The following MESP2 variants were observed in gnomAD, a reference collection of about 807,000 sequenced individuals.
MESP2 encodes mesoderm posterior bHLH transcription factor 2, also known as mesoderm posterior protein 2.
In MESP2, 34 loss-of-function variants were observed where a neutral mutation model predicts 37.8. The ratio of observed to expected loss-of-function variants is 0.90; its 90% CI spans 0.68 to 1.20. The LOEUF (loss-of-function observed/expected upper bound fraction) is 1.20, where lower values mean the gene tolerates loss of function less well. Among genes scored for constraint, MESP2 ranks in the 50% most tolerant of loss-of-function variants. MESP2 has a pLI of 0.00. For synonymous variants in MESP2, 303 were observed against 251.6 expected (o/e 1.20, Z -1.93); for missense variants, 646 against 545.3 (o/e 1.18, Z -1.84).
Position 89,778,120 on chromosome 15 carries a change from C to CCCA in MESP2, c.983_985dup (p.His328dup). On this transcript the variant is annotated inframe_insertion, in exon 2 of 2. Coordinates refer to ENST00000341735, the MANE Select transcript of MESP2 (RefSeq NM_001039958.2). The stretch of plus-strand genomic sequence containing the variant: ...TCGCTGGGAGCTCCATCTCTCCTGC[C>CCCA]CCACCCATCATGCCAGAGACTGCAG... 1 of 1,613,850 alleles carries CCCA rather than the reference C, an allele frequency of 6.2e-7. No homozygotes were observed. Among genetic ancestry groups the CCCA allele is most frequent in the Non-Finnish European group, 8.5e-7 (1 of 1,180,010 alleles).
chr15:89,776,462 C>T lies in MESP2; in HGVS notation c.105C>T (p.Ser35=), dbSNP rs1357497493. ...ACTGGGACTCCACGTCCCCGGCCTC[C>T]TCCTCCGATTCGTCGGGTTCGTGCC... ...AGHWDSTSPA[S]SSDSSGSCPC... is the part of the protein sequence containing the mutation. The change falls in exon 1 of 2, where the codon TCC becomes TCT. Residue 35 remains serine (S), a synonymous_variant. Transcript: ENST00000341735. 1 of 1,534,554 alleles carries T rather than the reference C, an allele frequency of 6.5e-7. No individual in the cohort carries two copies. The highest frequency in any genetic ancestry group is 1.4e-5 in the African/African-American group (1 of 72,836).
rs1201827517 is a variant in MESP2, at chr15:89,777,113, C to G, written c.756C>G (p.Cys252Trp). Reference sequence around the variant, plus strand: ...ATCCCTGGGCAACACCCCCTTACTGCCCCAAGATACAGTCGCCCCCGTATT... The same window carrying G: ...ATCCCTGGGCAACACCCCCTTACTGGCCCAAGATACAGTCGCCCCCGTATT... ...DTDPWATPPY[C>W]PKIQSPPYSS... Residue 252 changes from cysteine (C) to tryptophan (W), a missense_variant, in exon 1 of 2, where the codon TGC (cysteine) becomes TGG (tryptophan). Transcript: ENST00000341735. 4 of 1,612,834 alleles carry G rather than the reference C, an allele frequency of 2.5e-6. No individual in the cohort carries two copies. Among genetic ancestry groups the G allele is most frequent in the Non-Finnish European group, 3.4e-6 (4 of 1,179,980 alleles).
At position 89,777,196 on chromosome 15, in the gene MESP2, G is replaced by C. The variant is rs770971961; in HGVS notation, c.839G>C (p.Trp280Ser). ...TGGACGCCACCCCAAGGCTGTCCCTGGACGCAGTCGTCCCCAGAGCCCCGG... is the reference window on the plus strand; with the variant it reads ...TGGACGCCACCCCAAGGCTGTCCCTCGACGCAGTCGTCCCCAGAGCCCCGG... The part of the protein sequence containing the change: ...SLWTPPQGCP[W>S]TQSSPEPRNP... The change falls in exon 1 of 2, where the codon TGG (tryptophan) becomes TCG (serine). Residue 280 changes from tryptophan to serine, a missense_variant. Coordinates refer to ENST00000341735, the MANE Select transcript of MESP2 (RefSeq NM_001039958.2). 2 of 1,612,754 alleles carry C rather than the reference G, an allele frequency of 1.2e-6. No individual in the cohort carries two copies. Among genetic ancestry groups the C allele is most frequent in the Non-Finnish European group, 1.7e-6 (2 of 1,179,896 alleles).
At position 89,777,200 on chromosome 15, in the gene MESP2, G is replaced by C; in HGVS notation, c.843G>C (p.Thr281=). 6.2e-7 allele frequency: 1 copy of C among 1,612,718 alleles called. No individual in the cohort carries two copies. Among genetic ancestry groups the C allele is most frequent in the Non-Finnish European group, 8.5e-7 (1 of 1,179,844 alleles). The change falls in exon 1 of 2, where the codon ACG becomes ACC. Residue 281 remains threonine (T), a synonymous_variant. Transcript: ENST00000341735. ...CGCCACCCCAAGGCTGTCCCTGGAC[G>C]CAGTCGTCCCCAGAGCCCCGGAACC... ...LWTPPQGCPW[T]QSSPEPRNPP...
In MESP2 at chr15:89,778,156, C is replaced by T; in HGVS notation, c.1016C>T (p.Pro339Leu). The T allele has an allele frequency of 6.2e-7, 1 of 1,613,798 alleles. No individual in the cohort carries two copies. Among genetic ancestry groups the T allele is most frequent in the South Asian group, 1.1e-5 (1 of 91,074 alleles). Reference sequence around the variant, plus strand: ...TGCCAGAGACTGCAGCCTCAGACCCCCGGGAGGTGCTGGAGCCACAGTGCA... The same window carrying T: ...TGCCAGAGACTGCAGCCTCAGACCCTCGGGAGGTGCTGGAGCCACAGTGCA... Reference protein sequence around the residue: ...PSCQRLQPQTPGRCWSHSAEV... With the variant: ...PSCQRLQPQTLGRCWSHSAEV... Residue 339 changes from proline to leucine, a missense_variant, in exon 2 of 2, where the codon CCC becomes CTC. Physicochemically the swap from Pro to Leu is moderately conservative, Grantham distance 98 (BLOSUM62 -3). Coordinates refer to ENST00000341735, the MANE Select transcript of MESP2 (RefSeq NM_001039958.2).
In MESP2 at chr15:89,778,481, T is replaced by C. The variant is rs1338948938; in HGVS notation, c.*147T>C. 4 of 1,084,624 alleles carry C rather than the reference T, an allele frequency of 3.7e-6. No homozygotes were observed. The highest frequency in any genetic ancestry group is 3.1e-5 in the African/African-American group (2 of 63,786). 67.2% of individuals were successfully genotyped at this position (1,084,624 alleles called of 1,614,324 possible). ...TCTTTCAGGGAAGCAGTGTTTGAAATAGATAGCGGGTACCTTCCCTGGATG... is the reference window on the plus strand; with the variant it reads ...TCTTTCAGGGAAGCAGTGTTTGAAACAGATAGCGGGTACCTTCCCTGGATG... On this transcript the variant is annotated 3_prime_UTR_variant, in exon 2 of 2. Transcript: ENST00000341735.
intron 1 of MESP2, 43 bp downstream of exon 1, chr15:89,777,324 G>T (rs1968385699): frequency 1.9e-6 from 3 of 1,570,640 alleles, no homozygotes; most frequent in South Asian, 1.2e-5. Context: ...CCTCCAGTCT[G>T]CAGAGAATCT....
At position 89,776,694 on chromosome 15, in the gene MESP2, G is replaced by T; in HGVS notation, c.337G>T (p.Ala113Ser). ...GCGCCGCTTTCTGCCTCCCTCCTTG[G>T]CGCCGGCCGGCCAGAGCCTGACCAA... is the stretch of plus-strand genomic sequence containing the variant. ...ELRRFLPPSL[A>S]PAGQSLTKIE... Residue 113 changes from alanine to serine, a missense_variant, in exon 1 of 2, where the codon GCG (alanine) becomes TCG (serine). Physicochemically the swap from Ala to Ser is moderately conservative, Grantham distance 99. Coordinates refer to ENST00000341735, the MANE Select transcript of MESP2 (RefSeq NM_001039958.2). 1 of 1,558,472 alleles carries T rather than the reference G, an allele frequency of 6.4e-7. No homozygotes were observed. The highest frequency in any genetic ancestry group is 8.6e-7 in the Non-Finnish European group (1 of 1,158,724).
At position 89,777,010 on chromosome 15, in the gene MESP2, C is replaced by T. The variant is rs1185229734; in HGVS notation, c.653C>T (p.Ala218Val). 1.9e-6 allele frequency: 3 copies of T among 1,581,486 alleles called. No homozygotes were observed. Among genetic ancestry groups the T allele is most frequent in the Non-Finnish European group, 2.6e-6 (3 of 1,165,174 alleles). ...PGLVSAVLAE[A>V]SWGSPSACPG... is the part of the protein sequence containing the mutation. Reference sequence around the variant, plus strand: ...CTGGTCTCCGCCGTCCTCGCCGAGGCGTCCTGGGGATCCCCGTCCGCCTGC... The same window carrying T: ...CTGGTCTCCGCCGTCCTCGCCGAGGTGTCCTGGGGATCCCCGTCCGCCTGC... Residue 218 changes from alanine (A) to valine (V), a missense_variant, in exon 1 of 2, where the codon GCG becomes GTG. Coordinates refer to ENST00000341735, the MANE Select transcript of MESP2 (RefSeq NM_001039958.2).
At position 89,776,478 on chromosome 15, in the gene MESP2, G is replaced by T. The variant is rs1184977159; in HGVS notation, c.121G>T (p.Gly41Cys). 5 of 1,534,124 alleles carry T rather than the reference G, an allele frequency of 3.3e-6. No individual in the cohort carries two copies. Among genetic ancestry groups the T allele is most frequent in the Non-Finnish European group, 4.4e-6 (5 of 1,145,986 alleles). Residue 41 changes from glycine (G) to cysteine (C), a missense_variant, in exon 1 of 2, where the codon GGT becomes TGT. Physicochemically the swap from Gly to Cys is radical, Grantham distance 159. Transcript: ENST00000341735. ...TSPASSSDSS[G>C]SCPCDGARGL... ...CCCGGCCTCCTCCTCCGATTCGTCGGGTTCGTGCCCCTGCGACGGCGCCCG... is the reference window on the plus strand; with the variant it reads ...CCCGGCCTCCTCCTCCGATTCGTCGTGTTCGTGCCCCTGCGACGGCGCCCG...
chr15:89,776,947 G>A lies in MESP2; in HGVS notation c.590G>A (p.Gly197Glu), dbSNP rs562481393. The change falls in exon 1 of 2, where the codon GGG (glycine) becomes GAG (glutamate). Residue 197 changes from glycine (G) to glutamate (E), a missense_variant. Coordinates refer to ENST00000341735, the MANE Select transcript of MESP2 (RefSeq NM_001039958.2). ...GQGQGQGQGQ[G>E]QGQGQGQGRR... ...GGGCAAGGGCAGGGGCAAGGACAGG[G>A]GCAAGGACAGGGGCAAGGGCAGGGG... 31 of 1,515,820 alleles carry A rather than the reference G, an allele frequency of 2.0e-5. No homozygotes were observed. In the African/African-American group the frequency reaches 4.1e-4, roughly 20 times the overall value. 93.9% of individuals were successfully genotyped at this position (1,515,820 alleles called of 1,614,324 possible).
Position 89,776,563 on chromosome 15 carries a change from C to T in MESP2, c.206C>T (p.Thr69Met), listed in dbSNP as rs1311084448. ...TCCCGAGCCGCAGAGGCAGCCGCGA[C>T]GACGCCCAGACGAGCGCGCACCGGA... ...CSSRAAEAAA[T>M]TPRRARTGPA... is the part of the protein sequence containing the mutation. Residue 69 changes from threonine to methionine, a missense_variant, in exon 1 of 2, where the codon ACG (threonine) becomes ATG (methionine). Transcript: ENST00000341735. The T allele has an allele frequency of 6.5e-7, 1 of 1,532,808 alleles. No homozygotes were observed. The allele number at this position is 1,532,808 out of a possible 1,614,324, so 95.0% of individuals were successfully genotyped here. A position where few individuals can be genotyped will look rare whatever the true frequency, so the allele number is the denominator to read the frequency against.
At chr15:89,777,381 A>AG in intron 1 of MESP2, 100 bp downstream of exon 1, 1 of 1,337,194 alleles carries the variant, frequency 7.5e-7, no homozygotes, top group East Asian at 2.5e-5. Context: ...TATCTAACGG[A>AG]GGGGAGAATG....
In MESP2 at chr15:89,776,348, C is replaced by T; in HGVS notation, c.-10C>T. 6.5e-7 allele frequency: 1 copy of T among 1,530,870 alleles called. No homozygotes were observed. The highest frequency in any genetic ancestry group is 1.2e-5 in the South Asian group (1 of 83,322). 94.8% of individuals were successfully genotyped at this position (1,530,870 alleles called of 1,614,324 possible). A position where few individuals can be genotyped will look rare whatever the true frequency, so the allele number is the denominator to read the frequency against. On this transcript the variant is annotated 5_prime_UTR_variant, in exon 1 of 2. Transcript: ENST00000341735. ...GGCCAACCCAGCCTCCCAGAGCCTG[C>T]AGCCCGGCCATGGCCCAGTCGCCTC...
Position 89,778,127 on chromosome 15 carries a change from A to G in MESP2, c.987A>G (p.Pro329=), listed in dbSNP as rs776986584. 1.2e-6 allele frequency: 2 copies of G among 1,613,722 alleles called. No homozygotes were observed. The highest frequency in any genetic ancestry group is 2.2e-5 in the East Asian group (1 of 44,876). ...GAGCTCCATCTCTCCTGCCCCACCC[A>G]TCATGCCAGAGACTGCAGCCTCAGA... is the stretch of plus-strand genomic sequence containing the variant. The part of the protein sequence containing the change: ...SLGAPSLLPH[P]SCQRLQPQTP... Residue 329 remains proline (P), a synonymous_variant, in exon 2 of 2, where the codon CCA becomes CCG. Transcript: ENST00000341735.
In MESP2 at chr15:89,778,213, C is replaced by T. The variant is rs564292487; in HGVS notation, c.1073C>T (p.Pro358Leu). The change falls in exon 2 of 2, where the codon CCG becomes CTG. Residue 358 changes from proline to leucine, a missense_variant. By Grantham distance (98) the Pro-to-Leu change is moderately conservative. Coordinates refer to ENST00000341735, the MANE Select transcript of MESP2 (RefSeq NM_001039958.2). The stretch of plus-strand genomic sequence containing the variant: ...GTGCCCAACTCAGAGGACCAGGGAC[C>T]GGGCGCCGCCTTCCAGCTCAGTGAA... ...EVVPNSEDQG[P>L]GAAFQLSEAS... is the part of the protein sequence containing the mutation. 1.3e-5 allele frequency: 21 copies of T among 1,613,506 alleles called. No homozygotes were observed. The South Asian group carries it at 1.5e-4, about 12-fold the overall frequency.
intron 1 of MESP2, 58 bp downstream of exon 1, chr15:89,777,339 C>T (rs999172309): frequency 1.3e-6 from 2 of 1,523,226 alleles, no homozygotes; most frequent in Non-Finnish European, 1.8e-6. Context: ...GAATCTCGTA[C>T]TTTTTCGATC....
chr15:89,776,973 C>T lies in MESP2; in HGVS notation c.616C>T (p.Arg206Cys). ...QGQGQGQGQG[R>C]RPGLVSAVLA... is the part of the protein sequence containing the mutation. ...GCAAGGACAGGGGCAAGGGCAGGGG[C>T]GCAGGCCGGGCCTGGTCTCCGCCGT... Residue 206 changes from arginine (R) to cysteine (C), a missense_variant, in exon 1 of 2, where the codon CGC (arginine) becomes TGC (cysteine). Arg to Cys is a radical substitution (Grantham distance 180). Transcript: ENST00000341735. The T allele has an allele frequency of 6.4e-7, 1 of 1,553,458 alleles. No homozygotes were observed. The highest frequency in any genetic ancestry group is 1.2e-5 in the South Asian group (1 of 84,982).
In MESP2 at chr15:89,778,273, G is replaced by A; in HGVS notation, c.1133G>A (p.Ser378Asn). 2.5e-6 allele frequency: 4 copies of A among 1,613,216 alleles called. No individual in the cohort carries two copies. Among genetic ancestry groups the A allele is most frequent in the South Asian group, 1.1e-5 (1 of 91,090 alleles). ...SPPQSSGLRF[S>N]GCPELWQEDL... ...CCCCAGAGCTCAGGCCTGCGGTTCA[G>A]TGGCTGCCCTGAACTTTGGCAAGAA... The change falls in exon 2 of 2, where the codon AGT becomes AAT. Residue 378 changes from serine (S) to asparagine (N), a missense_variant. By Grantham distance (46) the Ser-to-Asn change is conservative (BLOSUM62 1). Coordinates refer to ENST00000341735, the MANE Select transcript of MESP2 (RefSeq NM_001039958.2).
Sources: gnomAD v4.1 joint callset for allele counts on GRCh38, gnomAD v4.1.1 for gene constraint, MANE v1.5 for transcripts, NCBI Gene and HGNC (gene_info 2026-07-23, HGNC 2026-07-21) for gene names.